NDRG4: variants seen among roughly 807,000 people sequenced by gnomAD.
NDRG4 encodes NDRG family member 4, also known as protein NDRG4.
NDRG4 carries 38 observed loss-of-function variants against 55.8 expected under a neutral mutation model. The observed-to-expected ratio is 0.68, with a 90% CI of 0.53 to 0.89. The LOEUF (loss-of-function observed/expected upper bound fraction) is 0.89, where lower values mean the gene tolerates loss of function less well. NDRG4 is among the 40% of genes least tolerant of loss of function. NDRG4 has a pLI of 0.00. For missense variants in NDRG4, 455 were observed against 468.6 expected, an observed-to-expected ratio of 0.97 and a Z score of 0.27; for synonymous variants, 190 against 182.7, an observed-to-expected ratio of 1.04 and a Z score of -0.32.
chr16:58,472,864 G>A (rs2033068564), intron 1 of NDRG4, among the ~76,000 whole-genome samples: 1 of 152,006 alleles, frequency 6.6e-6, no homozygotes, highest in Non-Finnish European at 1.5e-5. Flanking sequence ...CTTCGAGACC[G>A]GGCCCAGGGC....
intron 1 of NDRG4, among the ~76,000 whole-genome samples, chr16:58,467,793 C>T (rs970092947): frequency 6.6e-6 from 1 of 152,164 alleles, no homozygotes; most frequent in Non-Finnish European, 1.5e-5. Context: ...GGTGTGTGAG[C>T]GTGTGCAAGA....
intron 1 of NDRG4, chr16:58,501,395 C>G (rs1227857422): frequency 3.7e-6 from 1 of 267,924 alleles, no homozygotes; most frequent in Non-Finnish European, 7.0e-6. Flanking sequence ...CCACAGCCCC[C>G]TCCCCTGCTG....
intron 1 of NDRG4, among the ~76,000 whole-genome samples, chr16:58,482,061 G>A (rs759386349): frequency 1.2e-4 from 19 of 152,248 alleles, no homozygotes; most frequent in Middle Eastern, 3.4e-3. Flanking sequence ...CCAGGCCCAC[G>A]GCGCCTGGGT....
intron 1 of NDRG4, 197 bp from the exon 2 acceptor site, chr16:58,503,601 C>G: frequency 9.6e-7 from 1 of 1,041,564 alleles, no homozygotes; most frequent in African/African-American, 1.6e-5. Flanking sequence ...CACATTGTCT[C>G]TGTACTGAAC....
Position 58,511,500 on chromosome 16 carries a change from G to A in NDRG4, c.983G>A (p.Arg328His), listed in dbSNP as rs1366823690. The A allele has an allele frequency of 6.8e-6, 11 of 1,612,722 alleles. No homozygotes were observed. The highest frequency in any genetic ancestry group is 4.5e-5 in the East Asian group (2 of 44,872). ...AGTGCCAGCTCGGTGGATGGCAGCC[G>A]CCCACAGGCCTGCACCCACTCAGAG... is the stretch of plus-strand genomic sequence containing the variant. ...LTSASSVDGS[R>H]PQACTHSESS... The change falls in exon 15 of 15, where the codon CGC becomes CAC. Residue 328 changes from arginine (R) to histidine (H), a missense_variant. Physicochemically the swap from Arg to His is conservative, Grantham distance 29. Transcript: ENST00000570248.
chr16:58,488,937 A>G (rs552252785), intron 2 of NDRG4, among the ~76,000 whole-genome samples: 2 of 152,164 alleles, frequency 1.3e-5, no homozygotes, highest in South Asian at 4.2e-4. Flanking sequence ...ATCAGCTGCT[A>G]CCCCAGGATG....
At chr16:58,494,740 G>T (rs1161794205) in intron 2 of NDRG4, among the ~76,000 whole-genome samples, 1 of 151,842 alleles carries the variant, frequency 6.6e-6, no homozygotes, top group Non-Finnish European at 1.5e-5. Flanking sequence ...GCCAAGACAG[G>T]AGGATCATTT....
chr16:58,504,656 C>T lies in NDRG4; in HGVS notation c.372+7C>T, dbSNP rs750489695. 1.2e-6 allele frequency: 2 copies of T among 1,614,204 alleles called. No homozygotes were observed. Among genetic ancestry groups the T allele is most frequent in the South Asian group, 2.2e-5 (2 of 91,084 alleles). ...TGTGCTGGCCAAGTTTGCAGTGAGT[C>T]TCCCCATGCCCCCATTACCCCAAAC... On this transcript the variant is annotated splice_region_variant and intron_variant, in intron 5 of 14. Coordinates refer to ENST00000570248, the MANE Select transcript of NDRG4 (RefSeq NM_001242835.2).
upstream of NDRG4, among the ~76,000 whole-genome samples, chr16:58,497,695 A>AGGGTTTGGCTGGCAAGACCT (rs911673139): frequency 1.3e-5 from 2 of 152,188 alleles, no homozygotes; most frequent in Non-Finnish European, 1.5e-5. Context: ...GAGTGGCACC[A>AGGGTTTGGCTGGCAAGACCT]GGGTTTGGCT....
chr16:58,472,291 C>T (rs994560877), intron 1 of NDRG4: 4 of 152,414 alleles, frequency 2.6e-5, no homozygotes, highest in Non-Finnish European at 5.9e-5. Context: ...CAACCCACAA[C>T]CTAAGGTGAG....
intron 8 of NDRG4, chr16:58,507,481 G>A (rs2038192003): frequency 1.7e-5 from 7 of 403,682 alleles, no homozygotes; most frequent in Non-Finnish European, 1.7e-5. Context: ...CCTGCTGTGT[G>A]CATGGTGCTA....
At chr16:58,513,637 A>G (rs1236525248), downstream of NDRG4, 1 of 152,034 alleles carries the variant, frequency 6.6e-6, no homozygotes, top group African/African-American at 2.4e-5. Context: ...TTATGTGCTC[A>G]TTTCTCCCCT....
At chr16:58,474,083 CT>C in intron 1 of NDRG4, among the ~76,000 whole-genome samples, 1 of 130,058 alleles carries the variant, frequency 7.7e-6, no homozygotes, top group African/African-American at 3.0e-5. Flanking sequence ...GTTACCCAGG[CT>C]GGAGTCCAGT....
At chr16:58,470,424 C>T (rs1446303788) in intron 1 of NDRG4, among the ~76,000 whole-genome samples, 1 of 152,172 alleles carries the variant, frequency 6.6e-6, no homozygotes, top group Non-Finnish European at 1.5e-5. Flanking sequence ...AAGGTGGAGC[C>T]ATGGGAACCT....
chr16:58,477,650 G>A (rs1185133318), intron 1 of NDRG4, among the ~76,000 whole-genome samples: 1 of 150,892 alleles, frequency 6.6e-6, no homozygotes, highest in Non-Finnish European at 1.5e-5. Flanking sequence ...AGAGATTATG[G>A]AAATAGAAAA....
upstream of NDRG4, among the ~76,000 whole-genome samples, chr16:58,495,850 G>A (rs2036344870): frequency 6.6e-6 from 1 of 152,200 alleles, no homozygotes; most frequent in African/African-American, 2.4e-5. Context: ...AAGCACAAAG[G>A]GCTCTGGAGC....
In NDRG4 at chr16:58,500,165, C is replaced by A; in HGVS notation, c.-84C>A. The stretch of plus-strand genomic sequence containing the variant: ...ATCACAGAGCCGACCATCTCCCACT[C>A]GAGCTGCCCCCGCCCTCTGGACCCG... On this transcript the variant is annotated 5_prime_UTR_variant, in exon 1 of 15. Transcript: ENST00000570248. 1 of 1,535,704 alleles carries A rather than the reference C, an allele frequency of 6.5e-7. No individual in the cohort carries two copies. Among genetic ancestry groups the A allele is most frequent in the East Asian group, 2.4e-5 (1 of 40,902 alleles).
chr16:58,483,167 T>G (rs1940083590), intron 1 of NDRG4, among the ~76,000 whole-genome samples: 1 of 152,130 alleles, frequency 6.6e-6, no homozygotes. Context: ...CTTTTTTCTG[T>G]AGGATGTATA....
intron 8 of NDRG4, 167 bp from the exon 9 acceptor site, chr16:58,507,641 G>C (rs2038216606): frequency 1.6e-6 from 1 of 624,364 alleles, no homozygotes; most frequent in African/African-American, 1.8e-5. Flanking sequence ...AGCCCACCTG[G>C]TATGTGCTAG....
Sources: allele counts gnomAD v4.1 joint callset (sites outside exome capture counted in the v4.1 genomes callset), GRCh38; gene constraint gnomAD v4.1.1; transcripts MANE v1.5; gene names NCBI Gene and HGNC (gene_info 2026-07-23, HGNC 2026-07-21).